Variants in CNTN4 observed in about 807,000 individuals in gnomAD.
CNTN4 encodes contactin 4.
A neutral mutation model predicts 122.5 loss-of-function variants in CNTN4; 77 were observed. That is an observed-to-expected ratio of 0.63 (90% CI 0.52 to 0.76). The LOEUF (loss-of-function observed/expected upper bound fraction) is 0.76, where lower values mean the gene tolerates loss of function less well. Among genes scored for constraint, CNTN4 ranks in the 30% least tolerant of loss-of-function variants. The pLI is 0.00. For synonymous variants in CNTN4, 512 were observed against 447.0 expected, an observed-to-expected ratio of 1.15 and a Z score of -1.83; for missense variants, 1,256 against 1,259.1, an observed-to-expected ratio of 1.00 and a Z score of 0.04.
At chr3:2,703,669 A>C (rs1218839290) in intron 4 of CNTN4, among the ~76,000 whole-genome samples, 2 of 152,162 alleles carry the variant, frequency 1.3e-5, no homozygotes, top group Non-Finnish European at 2.9e-5. Flanking sequence ...TAAAGAAGTT[A>C]TTAACTTAAA....
chr3:3,041,316 C>A (rs544782331), intron 20 of CNTN4, among the ~76,000 whole-genome samples: 15 of 152,344 alleles, frequency 9.8e-5, no homozygotes, highest in Non-Finnish European at 1.8e-4. Flanking sequence ...ATGTTCCAAC[C>A]ATTGCCAAAG....
chr3:2,761,437 CCTGTGTGTGTGTGTGT>C (rs1330456681), intron 6 of CNTN4, among the ~76,000 whole-genome samples: 4 of 130,460 alleles, frequency 3.1e-5, no homozygotes, highest in Non-Finnish European at 4.9e-5. Flanking sequence ...GTAAGTGTAA[CCTGTGTGTGTGTGTGT>C]GTGTGTGTGT....
chr3:2,869,528 A>C (rs2150862545), intron 8 of CNTN4, among the ~76,000 whole-genome samples: 1 of 152,338 alleles, frequency 6.6e-6, no homozygotes, highest in East Asian at 1.9e-4. Flanking sequence ...TTAGCAAAGG[A>C]AAAATCAAGA....
At chr3:2,637,457 C>T (rs1356821403) in intron 4 of CNTN4, among the ~76,000 whole-genome samples, 1 of 151,956 alleles carries the variant, frequency 6.6e-6, no homozygotes, top group African/African-American at 2.4e-5. Context: ...GAAGAGTCCT[C>T]CTTTCAAAAG....
At chr3:2,964,823 G>A (rs1287871873) in intron 13 of CNTN4, among the ~76,000 whole-genome samples, 11 of 152,106 alleles carry the variant, frequency 7.2e-5, no homozygotes, top group South Asian at 4.1e-4. Flanking sequence ...AATTGAAGTC[G>A]CACAACTAGA....
At chr3:2,330,151 A>G (rs1413665255) in intron 2 of CNTN4, among the ~76,000 whole-genome samples, 1 of 152,234 alleles carries the variant, frequency 6.6e-6, no homozygotes, top group Non-Finnish European at 1.5e-5. Flanking sequence ...CACAGAACCC[A>G]GGAAAGTGCT....
chr3:2,618,834 T>C (rs1348766449), intron 4 of CNTN4, among the ~76,000 whole-genome samples: 3 of 152,180 alleles, frequency 2.0e-5, no homozygotes, highest in Non-Finnish European at 4.4e-5. Flanking sequence ...CTCTTAAAAA[T>C]GTCAGGTATT....
chr3:2,974,883 T>C lies in CNTN4; in HGVS notation c.1359-13462T>C, dbSNP rs368427848. 3.7e-4 allele frequency among the ~76,000 whole-genome samples: 57 copies of C among 152,298 alleles called. No homozygotes were observed. The East Asian group carries it at 9.8e-3, about 26-fold the overall frequency. On this transcript the variant is annotated intron_variant, in intron 13 of 24. Coordinates refer to ENST00000418658, the MANE Select transcript of CNTN4 (RefSeq NM_175607.3). ...CCTGCCATCACCAAAGAGTTGCAAATTGGATGCATAATAAAATTAAAACAT... is the reference window on the plus strand; with the variant it reads ...CCTGCCATCACCAAAGAGTTGCAAACTGGATGCATAATAAAATTAAAACAT...
chr3:3,042,327 G>T lies in CNTN4; in HGVS notation c.2416G>T (p.Ala806Ser), dbSNP rs757169194. The T allele has an allele frequency of 3.1e-6, 5 of 1,614,028 alleles. 1 individual carries two copies. In the Admixed American group the frequency reaches 6.7e-5, roughly 22 times the overall value. ...SAEEEPTKPP[A>S]SIFARSLSAT... is the part of the protein sequence containing the mutation. ...ATCTACAGAACCCACCAAACCACCA[G>T]CCAGTATCTTTGCCAGAAGTCTTTC... Residue 806 changes from alanine (A) to serine (S), a missense_variant, in exon 21 of 25, where the codon GCC becomes TCC. Transcript: ENST00000418658.
In CNTN4 at chr3:2,515,110, T is replaced by A. The variant is rs567136352; in HGVS notation, c.-88-56306T>A. ...TCATTTGCATAACCTGTTTGCGGCT[T>A]TCTCTTATGATAGTTCATTGAAGTA... On this transcript the variant is annotated intron_variant, in intron 3 of 24. Transcript: ENST00000418658. Among the ~76,000 whole-genome samples, 4 of 152,298 alleles carry A rather than the reference T, an allele frequency of 2.6e-5. No individual in the cohort carries two copies. In the East Asian group the frequency reaches 7.7e-4, roughly 29 times the overall value.
intron 2 of CNTN4, among the ~76,000 whole-genome samples, chr3:2,267,148 G>A (rs947363505): frequency 6.6e-6 from 1 of 152,076 alleles, no homozygotes; most frequent in African/African-American, 2.4e-5. Flanking sequence ...CCTGGCTTCT[G>A]TGCCAACTTA....
chr3:2,576,646 C>T (rs2079702860), intron 4 of CNTN4, among the ~76,000 whole-genome samples: 1 of 150,960 alleles, frequency 6.6e-6, no homozygotes, highest in Non-Finnish European at 1.5e-5. Flanking sequence ...CTCCCAGGTT[C>T]AAGCGATTCT....
intron 2 of CNTN4, among the ~76,000 whole-genome samples, chr3:2,237,333 G>T (rs548179743): frequency 6.6e-6 from 1 of 152,064 alleles, no homozygotes; most frequent in Non-Finnish European, 1.5e-5. Flanking sequence ...CTGTAAGCTG[G>T]GTGTGGTTAC....
chr3:2,730,885 A>G (rs1432969003), intron 4 of CNTN4, among the ~76,000 whole-genome samples: 1 of 152,126 alleles, frequency 6.6e-6, no homozygotes, highest in Non-Finnish European at 1.5e-5. Flanking sequence ...AGGGAAGTTC[A>G]GGAAAATGTG....
chr3:3,005,941 A>G (rs1284307416), intron 14 of CNTN4, among the ~76,000 whole-genome samples: 1 of 147,828 alleles, frequency 6.8e-6, no homozygotes, highest in Non-Finnish European at 1.5e-5. Context: ...GCTGGAGTGC[A>G]GTGGCACGAT....
intron 4 of CNTN4, among the ~76,000 whole-genome samples, chr3:2,649,193 C>A (rs1051923234): frequency 1.3e-5 from 2 of 152,142 alleles, no homozygotes; most frequent in Admixed American, 6.5e-5. Flanking sequence ...TTTTCCAGAT[C>A]TAGCTAAGAT....
intron 10 of CNTN4, among the ~76,000 whole-genome samples, chr3:2,897,523 GT>G (rs1378997346): frequency 6.6e-6 from 1 of 152,068 alleles, no homozygotes; most frequent in East Asian, 1.9e-4. Context: ...GTTGATACAG[GT>G]TGAGTATCTC....
chr3:2,380,401 G>T (rs927540766), intron 3 of CNTN4, among the ~76,000 whole-genome samples: 3 of 151,964 alleles, frequency 2.0e-5, no homozygotes, highest in African/African-American at 7.3e-5. Flanking sequence ...TTGTAGATTG[G>T]AAAGAGGAAA....
At chr3:2,655,477 G>T (rs142807086) in intron 4 of CNTN4, among the ~76,000 whole-genome samples, 3 of 152,028 alleles carry the variant, frequency 2.0e-5, no homozygotes, top group Non-Finnish European at 4.4e-5. Context: ...TCTTGATTTC[G>T]GTTTACTGTA....
Sources: allele counts gnomAD v4.1 joint callset (sites outside exome capture counted in the v4.1 genomes callset), GRCh38; gene constraint gnomAD v4.1.1; transcripts MANE v1.5; gene names NCBI Gene and HGNC (gene_info 2026-07-23, HGNC 2026-07-21).